Variants in RBMS3 observed in about 807,000 individuals in gnomAD.
RBMS3 encodes the protein RNA binding motif single stranded interacting protein 3, also known as RNA-binding motif, single-stranded-interacting protein 3.
RBMS3 carries 27 observed loss-of-function variants against 66.8 expected under a neutral mutation model. That is an observed-to-expected ratio of 0.40 (90% CI 0.30 to 0.56). The LOEUF is 0.56. RBMS3 is among the 20% of genes least tolerant of loss of function. The pLI is 0.40. For synonymous variants in RBMS3, 188 were observed against 183.0 expected (o/e 1.03, Z -0.22); for missense variants, 513 against 549.5 (o/e 0.93, Z 0.66).
At chr3:29,691,472 C>T (rs41455650) in intron 4 of RBMS3, among the ~76,000 whole-genome samples, 77,850 of 151,892 alleles carry the variant, frequency 0.51, 20,064 homozygotes, top group Middle Eastern at 0.55. Context: ...CTTTTCATGA[C>T]TTGTTCGTGG....
intron 4 of RBMS3, among the ~76,000 whole-genome samples, chr3:29,708,933 C>T (rs564100909): frequency 3.9e-5 from 6 of 152,244 alleles, no homozygotes; most frequent in Admixed American, 1.3e-4. Flanking sequence ...CCCAAGGTCA[C>T]GCCTTCCATG....
chr3:29,892,023 G>A (rs1175731048), intron 8 of RBMS3, among the ~76,000 whole-genome samples: 1 of 151,386 alleles, frequency 6.6e-6, no homozygotes, highest in African/African-American at 2.4e-5. Flanking sequence ...ATATATTAAT[G>A]TTATTTTTAT....
chr3:29,316,439 G>C (rs2034681500), intron 1 of RBMS3, among the ~76,000 whole-genome samples: 2 of 151,548 alleles, frequency 1.3e-5, no homozygotes, highest in African/African-American at 4.8e-5. Context: ...TTGTCATTTG[G>C]TTTGAACTTC....
intron 10 of RBMS3, among the ~76,000 whole-genome samples, chr3:29,910,304 T>G (rs1298069775): frequency 6.6e-6 from 1 of 152,040 alleles, no homozygotes; most frequent in Non-Finnish European, 1.5e-5. Flanking sequence ...CTCGTGGAAA[T>G]CACTGAAGGA....
At chr3:29,695,471 T>A (rs2052225494) in intron 4 of RBMS3, among the ~76,000 whole-genome samples, 1 of 152,166 alleles carries the variant, frequency 6.6e-6, no homozygotes, top group African/African-American at 2.4e-5. Flanking sequence ...GCATTTTAGT[T>A]AATATATAGA....
At chr3:29,617,077 A>G (rs1055070179) in intron 4 of RBMS3, 3 of 152,222 alleles carry the variant, frequency 2.0e-5, no homozygotes, top group African/African-American at 7.2e-5. Flanking sequence ...GGATGAAAGG[A>G]GGAAGGGAGA....
chr3:29,534,508 C>T (rs1479963296), intron 3 of RBMS3, among the ~76,000 whole-genome samples: 1 of 152,128 alleles, frequency 6.6e-6, no homozygotes, highest in Non-Finnish European at 1.5e-5. Context: ...GTCTTTCTTA[C>T]AGGCATATCA....
chr3:29,733,437 C>T lies in RBMS3; in HGVS notation c.400-6283C>T, dbSNP rs188305026. Reference sequence around the variant, plus strand: ...TAGTATTTTTAGTTTTCTGAGGACCCTCATACTGTTTTCCATAATGGCTAT... The same window carrying T: ...TAGTATTTTTAGTTTTCTGAGGACCTTCATACTGTTTTCCATAATGGCTAT... On this transcript the variant is annotated intron_variant, in intron 4 of 14. Transcript: ENST00000383767. Among the ~76,000 whole-genome samples the T allele has an allele frequency of 2.2e-3, 333 of 151,986 alleles. 2 individuals are homozygous for T. The highest frequency in any genetic ancestry group is 7.6e-3 in the African/African-American group (314 of 41,486).
At chr3:29,562,848 T>G (rs1197149730) in intron 3 of RBMS3, among the ~76,000 whole-genome samples, 1 of 152,188 alleles carries the variant, frequency 6.6e-6, no homozygotes, top group African/African-American at 2.4e-5. Context: ...GGCAAAATTA[T>G]TGTGTGTTAA....
chr3:29,565,310 A>C (rs1160153915), intron 3 of RBMS3, among the ~76,000 whole-genome samples: 1 of 152,220 alleles, frequency 6.6e-6, no homozygotes, highest in Non-Finnish European at 1.5e-5. Flanking sequence ...TGCACCATAA[A>C]GAAAAAACTT....
intron 13 of RBMS3, among the ~76,000 whole-genome samples, chr3:29,989,446 A>ATCCCCTGCAGCTGATGT (rs1237332648): frequency 2.6e-5 from 4 of 152,116 alleles, no homozygotes; most frequent in South Asian, 4.1e-4. Flanking sequence ...GCAGCTGGGA[A>ATCCCCTGCAGCTGATGT]TCCCCTGCAG....
chr3:29,412,198 T>A (rs999606059), intron 1 of RBMS3, among the ~76,000 whole-genome samples: 5 of 152,196 alleles, frequency 3.3e-5, no homozygotes, highest in African/African-American at 1.2e-4. Flanking sequence ...CTCACAGTTT[T>A]GACAGTCATG....
At chr3:29,336,054 T>A (rs1304265512) in intron 1 of RBMS3, among the ~76,000 whole-genome samples, 1 of 152,172 alleles carries the variant, frequency 6.6e-6, no homozygotes, top group Non-Finnish European at 1.5e-5. Flanking sequence ...ATCTTTTGCA[T>A]CCCATAACTT....
intron 4 of RBMS3, among the ~76,000 whole-genome samples, chr3:29,700,220 A>C (rs769666161): frequency 3.3e-5 from 5 of 152,192 alleles, no homozygotes; most frequent in Non-Finnish European, 7.3e-5. Flanking sequence ...TCTATTATAG[A>C]TGTGTTACAG....
At chr3:29,695,852 G>C (rs2052248285) in intron 4 of RBMS3, among the ~76,000 whole-genome samples, 1 of 152,136 alleles carries the variant, frequency 6.6e-6, no homozygotes, top group South Asian at 2.1e-4. Context: ...ATGTAAACCA[G>C]TTCCCACAGT....
intron 6 of RBMS3, among the ~76,000 whole-genome samples, chr3:29,796,712 C>CTTTTTTTTTTT (rs71295051): frequency 0.081 from 9,277 of 114,396 alleles, 890 homozygotes; most frequent in African/African-American, 0.11. Flanking sequence ...TGAAAGGAAT[C>CTTTTTTTTTTT]TTTTTTTTTT....
chr3:29,726,329 A>G (rs879050891), intron 4 of RBMS3, among the ~76,000 whole-genome samples: 5 of 152,164 alleles, frequency 3.3e-5, no homozygotes, highest in Admixed American at 3.3e-4. Flanking sequence ...CACCACTCCT[A>G]TTCAGCATAG....
chr3:29,300,650 G>A (rs1339698883), intron 1 of RBMS3, among the ~76,000 whole-genome samples: 1 of 151,942 alleles, frequency 6.6e-6, no homozygotes, highest in Non-Finnish European at 1.5e-5. Context: ...TATAGGAAAA[G>A]TTTTGCGTGA....
At chr3:29,720,049 G>A (rs1211367926) in intron 4 of RBMS3, among the ~76,000 whole-genome samples, 1 of 151,802 alleles carries the variant, frequency 6.6e-6, no homozygotes, top group African/African-American at 2.4e-5. Context: ...TGGCCCACAA[G>A]GCCCTATGTG....
Sources: allele counts gnomAD v4.1 joint callset (sites outside exome capture counted in the v4.1 genomes callset), GRCh38; gene constraint gnomAD v4.1.1; transcripts MANE v1.5; gene names NCBI Gene and HGNC (gene_info 2026-07-23, HGNC 2026-07-21).